SLC35F3: variants seen among roughly 807,000 people sequenced by gnomAD.
SLC35F3 encodes the protein solute carrier family 35 member F3.
In SLC35F3, 25 loss-of-function variants were observed where a neutral mutation model predicts 49.9. That is an observed-to-expected ratio of 0.50 (90% CI 0.37 to 0.70). SLC35F3 has a LOEUF of 0.70. Among genes scored for constraint, SLC35F3 ranks in the 30% least tolerant of loss-of-function variants. SLC35F3 has a pLI of 0.00. For missense variants in SLC35F3, 525 were observed against 639.8 expected (o/e 0.82, Z 1.94); for synonymous variants, 275 against 265.4 (o/e 1.04, Z -0.35).
chr1:234,176,998 ACCCAAGTCTCATCTTGAATT>A, intron 2 of SLC35F3, among the ~76,000 whole-genome samples: 1 of 152,288 alleles, frequency 6.6e-6, no homozygotes, highest in African/African-American at 2.4e-5. Flanking sequence ...CTGTGTCGCC[ACCCAAGTCTCATCTTGAATT>A]GTAATTCCCA....
intron 2 of SLC35F3, among the ~76,000 whole-genome samples, chr1:234,210,486 A>C (rs569905209): frequency 4.9e-4 from 74 of 152,358 alleles, no homozygotes; most frequent in Non-Finnish European, 9.0e-4. Context: ...CAAAATGCTG[A>C]TAGCAATATG....
chr1:234,293,314 C>T (rs933005227), intron 3 of SLC35F3, among the ~76,000 whole-genome samples: 4 of 152,188 alleles, frequency 2.6e-5, no homozygotes, highest in Non-Finnish European at 4.4e-5. Flanking sequence ...TGGCAGCTTC[C>T]GGGGTGCAAG....
At chr1:234,068,823 T>TTATGTATATA (rs1553302355) in intron 2 of SLC35F3, among the ~76,000 whole-genome samples, 2 of 71,154 alleles carry the variant, frequency 2.8e-5, no homozygotes, top group African/African-American at 1.2e-4. Context: ...ATTTGAGACA[T>TTATGTATATA]TATATATATA....
intron 2 of SLC35F3, among the ~76,000 whole-genome samples, chr1:234,001,736 G>A (rs1238597582): frequency 2.0e-5 from 3 of 152,140 alleles, no homozygotes. Context: ...AAAGACTTTA[G>A]CAAGGAAGAG....
intron 2 of SLC35F3, among the ~76,000 whole-genome samples, chr1:234,050,686 G>T (rs1321916797): frequency 6.6e-6 from 1 of 152,100 alleles, no homozygotes. Flanking sequence ...CATTGCTTTT[G>T]GTGTTTTAGT....
intron 3 of SLC35F3, among the ~76,000 whole-genome samples, chr1:234,306,952 T>A (rs1185945025): frequency 6.6e-6 from 1 of 152,206 alleles, no homozygotes; most frequent in Admixed American, 6.5e-5. Context: ...GGGAAACCTC[T>A]AAGTATAGTG....
chr1:234,079,893 G>A (rs1664849145), intron 2 of SLC35F3, among the ~76,000 whole-genome samples: 1 of 152,134 alleles, frequency 6.6e-6, no homozygotes, highest in African/African-American at 2.4e-5. Context: ...AATATATTTG[G>A]CTTTTGTCTC....
At chr1:234,186,365 C>A (rs1666643695) in intron 2 of SLC35F3, among the ~76,000 whole-genome samples, 1 of 152,158 alleles carries the variant, frequency 6.6e-6, no homozygotes, top group Non-Finnish European at 1.5e-5. Flanking sequence ...TAAGGCATGG[C>A]CAGCAAACAG....
At position 234,231,358 on chromosome 1, in the gene SLC35F3, T is replaced by C; in HGVS notation, c.284-59T>C. The stretch of plus-strand genomic sequence containing the variant: ...TGACAATGGCTGCAGGGCAGCGCCC[T>C]GCGAAGTGCAGGGGTGAAGGTCTGC... On this transcript the variant is annotated intron_variant, in intron 2 of 7. Transcript: ENST00000366618. The surrounding 1 kb of genome is among the most constrained non-coding windows in gnomAD (Gnocchi z 5.4). 1 of 1,368,000 alleles carries C rather than the reference T, an allele frequency of 7.3e-7. No individual in the cohort carries two copies. Among genetic ancestry groups the C allele is most frequent in the Non-Finnish European group, 9.7e-7 (1 of 1,031,710 alleles). The allele number at this position is 1,368,000 out of a possible 1,614,324, so 84.7% of individuals were successfully genotyped here.
chr1:234,074,510 C>G (rs998252074), intron 2 of SLC35F3, among the ~76,000 whole-genome samples: 1 of 152,094 alleles, frequency 6.6e-6, no homozygotes, highest in African/African-American at 2.4e-5. Flanking sequence ...TTCTCAGTGC[C>G]CAAGTAGGTG....
chr1:234,141,345 C>T (rs559070248), intron 2 of SLC35F3, among the ~76,000 whole-genome samples: 1 of 152,188 alleles, frequency 6.6e-6, no homozygotes, highest in African/African-American at 2.4e-5. Flanking sequence ...CTGCCCCTCA[C>T]AGGTCCTGCA....
intron 3 of SLC35F3, among the ~76,000 whole-genome samples, chr1:234,301,340 T>C (rs767310165): frequency 1.3e-5 from 2 of 152,036 alleles, no homozygotes; most frequent in Non-Finnish European, 2.9e-5. Context: ...CTTAAACATA[T>C]GCACAAGAAA....
At chr1:234,289,717 C>A (rs1668478016) in intron 3 of SLC35F3, among the ~76,000 whole-genome samples, 1 of 152,216 alleles carries the variant, frequency 6.6e-6, no homozygotes, top group African/African-American at 2.4e-5. Context: ...ACTGGGGAAA[C>A]ACATACAGTC....
intron 2 of SLC35F3, among the ~76,000 whole-genome samples, chr1:234,036,930 G>A (rs1401627857): frequency 6.6e-6 from 1 of 152,154 alleles, no homozygotes; most frequent in Non-Finnish European, 1.5e-5. Flanking sequence ...GTTTTCCAAT[G>A]TACAAAAACT....
chr1:234,184,138 T>A (rs1542431), intron 2 of SLC35F3, among the ~76,000 whole-genome samples: 97,919 of 147,958 alleles, frequency 0.66, 33,274 homozygotes, highest in East Asian at 0.97. Flanking sequence ...ACAGTTTTTT[T>A]AAAAAAAAAA....
At chr1:234,206,281 T>C (rs1205583250) in intron 2 of SLC35F3, among the ~76,000 whole-genome samples, 1 of 152,008 alleles carries the variant, frequency 6.6e-6, no homozygotes, top group East Asian at 1.9e-4. Flanking sequence ...GGTTATTTCC[T>C]AGATCCACTG....
At chr1:234,236,928 TATATATATATA>T (rs1667481956) in intron 3 of SLC35F3, among the ~76,000 whole-genome samples, 1 of 18,340 alleles carries the variant, frequency 5.5e-5, no homozygotes, top group African/African-American at 3.1e-4. Context: ...AAAAAAATTA[TATATATATATA>T]TATATATATA....
intron 2 of SLC35F3, among the ~76,000 whole-genome samples, chr1:234,106,894 G>T (rs1272754570): frequency 6.6e-6 from 1 of 152,138 alleles, no homozygotes; most frequent in African/African-American, 2.4e-5. Context: ...TAACAATAAG[G>T]ATCCACCAAA....
intron 2 of SLC35F3, among the ~76,000 whole-genome samples, chr1:234,067,584 TTTCTC>T (rs1482008017): frequency 1.3e-5 from 2 of 152,172 alleles, no homozygotes; most frequent in African/African-American, 4.8e-5. Flanking sequence ...TACAGCTTCT[TTTCTC>T]AGAACCCTGA....
Sources: gnomAD v4.1 joint callset for allele counts (sites outside exome capture counted in the v4.1 genomes callset) on GRCh38, gnomAD v4.1.1 for gene constraint, Gnocchi (gnomAD v3.1) non-coding constraint, MANE v1.5 for transcripts, NCBI Gene and HGNC (gene_info 2026-07-23, HGNC 2026-07-21) for gene names.